The following URI1 variants were observed in gnomAD, a reference collection of about 807,000 sequenced individuals.
The protein encoded by URI1 is unconventional prefoldin RPB5 interactor 1.
A neutral mutation model predicts 60.2 loss-of-function variants in URI1; 39 were observed. The observed-to-expected ratio is 0.65, with a 90% CI of 0.50 to 0.85. URI1 has a LOEUF of 0.85. Among genes scored for constraint, URI1 ranks in the 40% least tolerant of loss-of-function variants. The pLI, the probability that URI1 is intolerant of heterozygous loss-of-function variation, is 0.00. For missense variants in URI1, 691 were observed against 665.9 expected, an observed-to-expected ratio of 1.04 and a Z score of -0.42; for synonymous variants, 251 against 236.8, an observed-to-expected ratio of 1.06 and a Z score of -0.55.
At chr19:29,949,533 C>G (rs1039217433) in intron 1 of URI1, among the ~76,000 whole-genome samples, 1 of 142,232 alleles carries the variant, frequency 7.0e-6, no homozygotes. Context: ...GCTGCAATCT[C>G]GGCACTTTGG....
rs335005 is a variant in URI1, at chr19:29,966,415, C to T, written c.118-4778C>T. Among the ~76,000 whole-genome samples the T allele has an allele frequency of 2.7e-3, 418 of 152,250 alleles. 3 individuals are homozygous for T. Among genetic ancestry groups the T allele is most frequent in the African/African-American group, 9.2e-3 (383 of 41,534 alleles). ...GGCCTCAAAGTGCTAAGATTACAGGCGTGAGCCACTCTGCTCAGGCTATGG... is the reference window on the plus strand; with the variant it reads ...GGCCTCAAAGTGCTAAGATTACAGGTGTGAGCCACTCTGCTCAGGCTATGG... On this transcript the variant is annotated intron_variant, in intron 1 of 10. Transcript: ENST00000392271.
chr19:29,987,295 G>C (rs189700696), intron 4 of URI1, among the ~76,000 whole-genome samples: 62 of 152,194 alleles, frequency 4.1e-4, no homozygotes, highest in Non-Finnish European at 7.5e-4. Flanking sequence ...GTTTTCTAAA[G>C]CTGAACTTGA....
chr19:29,999,381 G>A (rs1425275569), intron 4 of URI1, among the ~76,000 whole-genome samples: 1 of 152,056 alleles, frequency 6.6e-6, no homozygotes, highest in African/African-American at 2.4e-5. Context: ...CTCAACTCTT[G>A]TTTATCTGGG....
intron 1 of URI1, among the ~76,000 whole-genome samples, chr19:29,945,024 A>G (rs2055085717): frequency 1.3e-5 from 2 of 152,208 alleles, no homozygotes; most frequent in Admixed American, 1.3e-4. Flanking sequence ...ATGTCATAGT[A>G]GCTTCATATG....
At chr19:29,967,696 C>G (rs2055407060) in intron 1 of URI1, among the ~76,000 whole-genome samples, 1 of 152,124 alleles carries the variant, frequency 6.6e-6, no homozygotes, top group Non-Finnish European at 1.5e-5. Flanking sequence ...CTGCTGTTAT[C>G]CAGTAAGCCG....
intron 4 of URI1, among the ~76,000 whole-genome samples, chr19:30,003,027 C>A (rs2055897137): frequency 6.6e-6 from 1 of 151,884 alleles, no homozygotes; most frequent in Non-Finnish European, 1.5e-5. Context: ...GAATAGAGTA[C>A]AAAAGCTTTA....
At chr19:29,963,771 G>T (rs1428222741) in intron 1 of URI1, among the ~76,000 whole-genome samples, 1 of 152,142 alleles carries the variant, frequency 6.6e-6, no homozygotes, top group Non-Finnish European at 1.5e-5. Flanking sequence ...CCTTACTCCG[G>T]GCAGGTGCTG....
chr19:29,973,197 T>A (rs2055480123), intron 2 of URI1, among the ~76,000 whole-genome samples: 1 of 152,160 alleles, frequency 6.6e-6, no homozygotes, highest in African/African-American at 2.4e-5. Flanking sequence ...TAGTTGAGTT[T>A]CTACCATATG....
At chr19:30,006,540 C>G (rs181881512) in intron 6 of URI1, among the ~76,000 whole-genome samples, 3 of 152,190 alleles carry the variant, frequency 2.0e-5, no homozygotes, top group Admixed American at 2.0e-4. Context: ...TGACCAGTGA[C>G]AAATTATGAG....
intron 1 of URI1, among the ~76,000 whole-genome samples, chr19:29,933,498 T>C (rs1237389030): frequency 2.0e-5 from 3 of 152,178 alleles, no homozygotes; most frequent in Non-Finnish European, 2.9e-5. Flanking sequence ...TTCTCTTTTT[T>C]TCTTAGTCAA....
At position 30,005,676 on chromosome 19, in the gene URI1, G is replaced by A. The variant is rs746182493; in HGVS notation, c.485G>A (p.Arg162Gln). The change falls in exon 6 of 11, where the codon CGA (arginine) becomes CAA (glutamine). Residue 162 changes from arginine to glutamine, a missense_variant. Coordinates refer to ENST00000392271, the MANE Select transcript of URI1 (RefSeq NM_003796.3). ...SDAAGDIVDI[R>Q]EEIKCDFEFK... ...GCTGCAGGTGATATTGTTGACATAC[G>A]AGAAGAAATTAAATGTGACTTCGAA... 3.1e-6 allele frequency: 5 copies of A among 1,611,820 alleles called. No individual in the cohort carries two copies. The highest frequency in any genetic ancestry group is 2.7e-5 in the African/African-American group (2 of 74,742).
At chr19:29,955,499 C>T (rs1023499544) in intron 1 of URI1, among the ~76,000 whole-genome samples, 5 of 152,016 alleles carry the variant, frequency 3.3e-5, no homozygotes, top group African/African-American at 1.2e-4. Context: ...ATATTTATAA[C>T]CACCCTCTCA....
chr19:29,923,829 G>GGATTAGTCAGAGA (rs1226825914), intron 1 of URI1: 2 of 1,400,782 alleles, frequency 1.4e-6, no homozygotes, highest in African/African-American at 2.8e-5. Flanking sequence ...TTAACCACAT[G>GGATTAGTCAGAGA]GATTAGTCAG....
At position 30,005,638 on chromosome 19, in the gene URI1, GT is replaced by G. The variant is rs1568444082; in HGVS notation, c.460-10del. ...TGTGTTGTTAATACGCTTTTTTTTT[GT>G]TTAAAAACCAGGCTGCAGGTGATAT... is the stretch of plus-strand genomic sequence containing the variant. On this transcript the variant is annotated splice_polypyrimidine_tract_variant and intron_variant, in intron 5 of 10. Coordinates refer to ENST00000392271, the MANE Select transcript of URI1 (RefSeq NM_003796.3). 6.3e-7 allele frequency: 1 copy of G among 1,595,164 alleles called. No individual in the cohort carries two copies. Among genetic ancestry groups the G allele is most frequent in the Non-Finnish European group, 8.5e-7 (1 of 1,173,848 alleles).
In URI1 at chr19:30,007,656, A is replaced by G. The variant is rs1240485988; in HGVS notation, c.686+18A>G. ...CTTGATAGGTACTTGATGACAAATT[A>G]TCTTTCCAAGATAATTTGTTTCTAT... On this transcript the variant is annotated intron_variant, in intron 7 of 10. Transcript: ENST00000392271. 3 of 1,562,738 alleles carry G rather than the reference A, an allele frequency of 1.9e-6. No homozygotes were observed. Among genetic ancestry groups the G allele is most frequent in the East Asian group, 4.6e-5 (2 of 43,910 alleles).
chr19:29,993,885 T>C (rs1294759858), intron 4 of URI1, among the ~76,000 whole-genome samples: 1 of 152,168 alleles, frequency 6.6e-6, no homozygotes, highest in East Asian at 1.9e-4. Flanking sequence ...ACACCTCCAC[T>C]CAAATTGTAG....
At chr19:29,987,347 CAG>C (rs2055684478) in intron 4 of URI1, among the ~76,000 whole-genome samples, 2 of 152,126 alleles carry the variant, frequency 1.3e-5, no homozygotes, top group African/African-American at 4.8e-5. Flanking sequence ...CTCATTTACT[CAG>C]TGAAATTCTG....
chr19:29,956,686 A>G (rs111874581), intron 1 of URI1: 7 of 1,550,312 alleles, frequency 4.5e-6, no homozygotes, highest in African/African-American at 1.4e-5. Flanking sequence ...AACGACGTTG[A>G]TGGGGGAAGT....
chr19:29,933,746 C>T (rs970804197), intron 1 of URI1, among the ~76,000 whole-genome samples: 7 of 151,454 alleles, frequency 4.6e-5, no homozygotes, highest in African/African-American at 7.3e-5. Flanking sequence ...TGCTAGAACC[C>T]GGGAGGCGGA....
Sources: gnomAD v4.1 joint callset for allele counts (sites outside exome capture counted in the v4.1 genomes callset) on GRCh38, gnomAD v4.1.1 for gene constraint, MANE v1.5 for transcripts, NCBI Gene and HGNC (gene_info 2026-07-23, HGNC 2026-07-21) for gene names.